ARPC5: variants seen among roughly 807,000 people sequenced by gnomAD.
ARPC5 encodes the protein actin-related protein 2/3 complex subunit 5.
A neutral mutation model predicts 15.4 loss-of-function variants in ARPC5; 5 were observed. The observed-to-expected ratio is 0.32, with a 90% CI of 0.17 to 0.68. The LOEUF is 0.68. Ranked by LOEUF, ARPC5 falls within the 30% of genes least tolerant of loss-of-function variation. The pLI is 0.71. For missense variants in ARPC5, 138 were observed against 192.8 expected, an observed-to-expected ratio of 0.72 and a Z score of 1.68; for synonymous variants, 85 against 72.2, an observed-to-expected ratio of 1.18 and a Z score of -0.90.
intron 3 of ARPC5, among the ~76,000 whole-genome samples, chr1:183,627,868 A>T (rs1649150303): frequency 6.6e-6 from 1 of 152,160 alleles, no homozygotes; most frequent in African/African-American, 2.4e-5. Flanking sequence ...ATTCTAAATA[A>T]TGTTTTAAAA....
chr1:183,633,181 A>G (rs1649317885), intron 1 of ARPC5, 27 bp from the exon 2 acceptor site: 1 of 1,546,532 alleles, frequency 6.5e-7, no homozygotes, highest in Non-Finnish European at 8.8e-7. Context: ...GTGTAACAGC[A>G]AAGGATGGCC....
chr1:183,631,350 T>G (rs1189321858), intron 2 of ARPC5: 1 of 151,480 alleles, frequency 6.6e-6, no homozygotes, highest in East Asian at 1.9e-4. Context: ...GAGGCCGAGA[T>G]GGGCAGATCA....
In ARPC5 at chr1:183,635,715, G is replaced by C. The variant is rs557059496; in HGVS notation, c.-56C>G. ...CTTGGCGCTGCCTCTACCTCAGCAA[G>C]CCCAGCCCAGCAACCCACTACCCGG... On this transcript the variant is annotated 5_prime_UTR_variant, in exon 1 of 4. Transcript: ENST00000359856. The C allele has an allele frequency of 1.9e-5, 30 of 1,574,922 alleles. No homozygotes were observed. The highest frequency in any genetic ancestry group is 2.6e-5 in the Non-Finnish European group (30 of 1,159,106).
In ARPC5 at chr1:183,623,530, A is replaced by C. The variant is rs1057491290; in HGVS notation, c.*4002T>G. ...ATATTGTACTAGTGACATTGGGGTG[A>C]GGGGGAGAGGGAGTGGGGCAGAGGT... On this transcript the variant is annotated 3_prime_UTR_variant, in exon 4 of 4. Transcript: ENST00000359856. 4 of 1,549,444 alleles carry C rather than the reference A, an allele frequency of 2.6e-6. No homozygotes were observed. The African/African-American group carries it at 5.5e-5, about 21-fold the overall frequency.
intron 2 of ARPC5, 177 bp from the exon 3 acceptor site, chr1:183,630,814 T>G: frequency 3.6e-6 from 2 of 554,684 alleles, no homozygotes; most frequent in Non-Finnish European, 6.1e-6. Flanking sequence ...GCTATTAGTG[T>G]GTGTTCAGTG....
Position 183,623,272 on chromosome 1 carries a change from A to T in ARPC5, c.*4260T>A. 1 of 708,924 alleles carries T rather than the reference A, an allele frequency of 1.4e-6. No individual in the cohort carries two copies. Among genetic ancestry groups the T allele is most frequent in the Non-Finnish European group, 2.4e-6 (1 of 422,706 alleles). 43.9% of individuals were successfully genotyped at this position (708,924 alleles called of 1,614,324 possible). ...GAAATAAGAGATGTAAACATAGATT[A>T]TTTATGTTGATTACTCTTACACACT... On this transcript the variant is annotated 3_prime_UTR_variant, in exon 4 of 4. Transcript: ENST00000359856.
chr1:183,633,433 T>C (rs1221962843), intron 1 of ARPC5: 4 of 227,752 alleles, frequency 1.8e-5, no homozygotes, highest in Non-Finnish European at 3.4e-5. Flanking sequence ...CCCAGTGAGA[T>C]ACATATGCAA....
Position 183,623,154 on chromosome 1 carries a change from C to T in ARPC5, c.*4378G>A, listed in dbSNP as rs756812188. 1.2e-4 allele frequency: 53 copies of T among 441,556 alleles called. No homozygotes were observed. The highest frequency in any genetic ancestry group is 6.0e-4 in the Admixed American group (17 of 28,488). The allele number at this position is 441,556 out of a possible 1,614,324, so 27.4% of individuals were successfully genotyped here. A position where few individuals can be genotyped will look rare whatever the true frequency, so the allele number is the denominator to read the frequency against. ...GAGCTAACTGCTAGGCTGGAAAATA[C>T]GGGAGTTTTAGAATGCTTTGGAATT... On this transcript the variant is annotated 3_prime_UTR_variant, in exon 4 of 4. Coordinates refer to ENST00000359856, the MANE Select transcript of ARPC5 (RefSeq NM_005717.4).
At chr1:183,627,685 C>A in intron 3 of ARPC5, 91 bp from the exon 4 acceptor site, 1 of 985,772 alleles carries the variant, frequency 1.0e-6, no homozygotes, top group Non-Finnish European at 1.6e-6. Flanking sequence ...AAGGAATGGG[C>A]ACTGCTATAG....
chr1:183,628,001 G>A (rs1348826969), intron 3 of ARPC5, among the ~76,000 whole-genome samples: 2 of 151,572 alleles, frequency 1.3e-5, no homozygotes, highest in South Asian at 2.1e-4. Context: ...GTGAAACCCC[G>A]TCTCTACTAA....
chr1:183,627,484 G>C lies in ARPC5; in HGVS notation c.*48C>G. The C allele has an allele frequency of 6.5e-7, 1 of 1,546,398 alleles. No individual in the cohort carries two copies. Among genetic ancestry groups the C allele is most frequent in the African/African-American group, 1.4e-5 (1 of 73,408 alleles). ...GTGGCATTTGGTTGTTTTGGTCTTT[G>C]TACCAGCAATTCCCACTCCCGAGGC... On this transcript the variant is annotated 3_prime_UTR_variant, in exon 4 of 4. Coordinates refer to ENST00000359856, the MANE Select transcript of ARPC5 (RefSeq NM_005717.4).
At position 183,622,398 on chromosome 1, in the gene ARPC5, G is replaced by A. The variant is rs72731493; in HGVS notation, c.*5134C>T. 6.6e-6 allele frequency: 1 copy of A among 152,292 alleles called. No individual in the cohort carries two copies. Among genetic ancestry groups the A allele is most frequent in the Non-Finnish European group, 1.5e-5 (1 of 68,024 alleles). 9.4% of individuals were successfully genotyped at this position (152,292 alleles called of 1,614,324 possible). ...TAGCAAATTGAAGAAAATCTTAGTT[G>A]CCCTGGCATCTTGATTCAATTTTTG... is the stretch of plus-strand genomic sequence containing the variant. On this transcript the variant is annotated 3_prime_UTR_variant, in exon 4 of 4. Transcript: ENST00000359856.
intron 3 of ARPC5, among the ~76,000 whole-genome samples, chr1:183,627,945 C>A (rs59068318): frequency 0.028 from 4,201 of 151,522 alleles, 71 homozygotes; most frequent in East Asian, 0.081. Context: ...AGGCCGAGGC[C>A]GGCGGATCAC....
chr1:183,628,173 A>C (rs1649164693), intron 3 of ARPC5, among the ~76,000 whole-genome samples: 1 of 54,538 alleles, frequency 1.8e-5, no homozygotes, highest in South Asian at 5.2e-4. Context: ...ACTCCGTCTC[A>C]AAAAAAAAAA....
intron 1 of ARPC5, among the ~76,000 whole-genome samples, chr1:183,634,867 A>T (rs1649397116): frequency 6.7e-6 from 1 of 148,956 alleles, no homozygotes; most frequent in Admixed American, 6.7e-5. Flanking sequence ...CCCCCAGTTA[A>T]CAAATTCTGT....
chr1:183,623,281 G>T lies in ARPC5; in HGVS notation c.*4251C>A, dbSNP rs2761573. 280,365 of 744,002 alleles carry T rather than the reference G, an allele frequency of 0.38. 54,565 individuals are homozygous for T. Among genetic ancestry groups the T allele is most frequent in the African/African-American group, 0.47 (26,849 of 56,844 alleles). 46.1% of individuals were successfully genotyped at this position (744,002 alleles called of 1,614,324 possible). A position where few individuals can be genotyped will look rare whatever the true frequency, so the allele number is the denominator to read the frequency against. ...GATGTAAACATAGATTATTTATGTT[G>T]ATTACTCTTACACACTCAAGTAACA... is the stretch of plus-strand genomic sequence containing the variant. On this transcript the variant is annotated 3_prime_UTR_variant, in exon 4 of 4. Transcript: ENST00000359856.
intron 3 of ARPC5, among the ~76,000 whole-genome samples, chr1:183,628,582 G>A (rs1649178465): frequency 6.6e-6 from 1 of 152,174 alleles, no homozygotes; most frequent in African/African-American, 2.4e-5. Flanking sequence ...CATATAAACA[G>A]GTAATTTTAA....
chr1:183,635,167 C>T (rs1397595029), intron 1 of ARPC5, among the ~76,000 whole-genome samples: 1 of 152,236 alleles, frequency 6.6e-6, no homozygotes, highest in African/African-American at 2.4e-5. Context: ...ACCAGCCTTC[C>T]CCACCAGCCG....
At chr1:183,633,306 TAATC>T (rs1367499443) in intron 1 of ARPC5, 152 bp from the exon 2 acceptor site, 5 of 532,868 alleles carry the variant, frequency 9.4e-6, no homozygotes, top group Non-Finnish European at 1.7e-5. Context: ...TCCAGGATGT[TAATC>T]AAAGGCAAAA....
Sources: allele counts gnomAD v4.1 joint callset (sites outside exome capture counted in the v4.1 genomes callset), GRCh38; gene constraint gnomAD v4.1.1; transcripts MANE v1.5; gene names NCBI Gene and HGNC (gene_info 2026-07-23, HGNC 2026-07-21).